Variants in GRID2 observed in about 807,000 individuals in gnomAD.
GRID2 encodes the protein glutamate receptor ionotropic, delta-2.
GRID2 carries 33 observed loss-of-function variants against 114.8 expected under a neutral mutation model. The ratio of observed to expected loss-of-function variants is 0.29; its 90% CI spans 0.22 to 0.38. GRID2 has a LOEUF of 0.38. GRID2 is among the 10% of genes least tolerant of loss of function. The pLI is 1.00. For synonymous variants in GRID2, 505 were observed against 449.9 expected (o/e 1.12, Z -1.55); for missense variants, 1,184 against 1,257.7 (o/e 0.94, Z 0.89).
At chr4:93,636,190 TA>T (rs1250976570) in intron 14 of GRID2, among the ~76,000 whole-genome samples, 1 of 152,124 alleles carries the variant, frequency 6.6e-6, no homozygotes, top group African/African-American at 2.4e-5. Flanking sequence ...TTCAGCTGGA[TA>T]ATAAGCCCAT....
intron 8 of GRID2, among the ~76,000 whole-genome samples, chr4:93,256,428 G>T (rs9784581): frequency 4.7e-5 from 1 of 21,308 alleles, no homozygotes. Flanking sequence ...TTAATTTTTG[G>T]TTTTTTTTTT....
rs948839267 is a variant in GRID2, at chr4:93,139,078, C to T, written c.735+28125C>T. ...GCTCCAATCAAAAACAGATTTCACA[C>T]TCAAATTACAGTATCTCAAGAAGAG... On this transcript the variant is annotated intron_variant, in intron 4 of 15. Coordinates refer to ENST00000282020, the MANE Select transcript of GRID2 (RefSeq NM_001510.4). Among the ~76,000 whole-genome samples, 8 of 152,190 alleles carry T rather than the reference C, an allele frequency of 5.3e-5. No homozygotes were observed. The East Asian group carries it at 1.3e-3, about 26-fold the overall frequency.
intron 8 of GRID2, among the ~76,000 whole-genome samples, chr4:93,370,289 T>G (rs1280434837): frequency 6.6e-6 from 1 of 152,054 alleles, no homozygotes; most frequent in Non-Finnish European, 1.5e-5. Context: ...CATGCAATGC[T>G]TCTTCTTAAA....
In GRID2 at chr4:93,081,322, T is replaced by C. The variant is rs144597949; in HGVS notation, c.245-3673T>C. 6.1e-3 allele frequency among the ~76,000 whole-genome samples: 926 copies of C among 152,318 alleles called. 14 individuals are homozygous for C. Among genetic ancestry groups the C allele is most frequent in the African/African-American group, 0.021 (872 of 41,556 alleles). ...AAGAGGTAATAAATTTTTTAACTCT[T>C]TATGCATTTTATTTTTAATCTTGTT... On this transcript the variant is annotated intron_variant, in intron 2 of 15. Transcript: ENST00000282020.
intron 12 of GRID2, among the ~76,000 whole-genome samples, chr4:93,509,099 C>T (rs1163699646): frequency 6.6e-6 from 1 of 152,178 alleles, no homozygotes; most frequent in Non-Finnish European, 1.5e-5. Context: ...CAGTGAAGTA[C>T]ATAGGCAGTA....
intron 10 of GRID2, among the ~76,000 whole-genome samples, chr4:93,445,223 C>T (rs1015355285): frequency 3.9e-5 from 6 of 151,926 alleles, no homozygotes; most frequent in Non-Finnish European, 8.8e-5. Context: ...AAGCTATGTA[C>T]TGAGGAGCAC....
intron 2 of GRID2, among the ~76,000 whole-genome samples, chr4:92,991,491 A>G (rs1754903170): frequency 6.6e-6 from 1 of 152,120 alleles, no homozygotes; most frequent in Non-Finnish European, 1.5e-5. Flanking sequence ...TCTCCGTGCA[A>G]ATAATTAATG....
At chr4:93,594,964 A>G (rs796611834) in intron 13 of GRID2, among the ~76,000 whole-genome samples, 50 of 152,268 alleles carry the variant, frequency 3.3e-4, no homozygotes, top group African/African-American at 9.4e-4. Context: ...GGCACTCCCT[A>G]GTGAGATGAA....
intron 1 of GRID2, among the ~76,000 whole-genome samples, chr4:92,312,037 G>A (rs149588318): frequency 2.0e-4 from 31 of 152,180 alleles, no homozygotes; most frequent in African/African-American, 7.5e-4. Flanking sequence ...AAGAAAGGAT[G>A]TGAACCATGT....
intron 2 of GRID2, among the ~76,000 whole-genome samples, chr4:92,968,683 AAC>A (rs1012987559): frequency 8.6e-5 from 13 of 151,796 alleles, no homozygotes; most frequent in African/African-American, 2.9e-4. Context: ...GTAATTTTAG[AAC>A]AGTTTTTCTT....
intron 8 of GRID2, among the ~76,000 whole-genome samples, chr4:93,352,480 C>A (rs1760901059): frequency 6.6e-6 from 1 of 151,768 alleles, no homozygotes; most frequent in Non-Finnish European, 1.5e-5. Flanking sequence ...TCATAACAAT[C>A]CAATCAGTGC....
chr4:92,990,174 G>T (rs1754778277), intron 2 of GRID2, among the ~76,000 whole-genome samples: 1 of 148,994 alleles, frequency 6.7e-6, no homozygotes, highest in Non-Finnish European at 1.5e-5. Context: ...GTCCAAAATA[G>T]AGTGGCATTC....
At chr4:92,819,244 G>A (rs902958579) in intron 2 of GRID2, among the ~76,000 whole-genome samples, 3 of 152,074 alleles carry the variant, frequency 2.0e-5, no homozygotes, top group Admixed American at 6.6e-5. Context: ...ACCCATGGGA[G>A]GTTTTAAAAC....
At chr4:92,991,149 C>T (rs758622706) in intron 2 of GRID2, among the ~76,000 whole-genome samples, 3 of 151,998 alleles carry the variant, frequency 2.0e-5, no homozygotes, top group Non-Finnish European at 1.5e-5. Context: ...TAAGCATTAA[C>T]CCAAGTCACA....
intron 8 of GRID2, among the ~76,000 whole-genome samples, chr4:93,332,267 CGTGTGTGTGTGT>C (rs1234388137): frequency 7.5e-6 from 1 of 133,936 alleles, no homozygotes; most frequent in Non-Finnish European, 1.6e-5. Context: ...TGTGTGTGTG[CGTGTGTGTGTGT>C]GTGTGTGTGT....
At chr4:93,042,030 G>A (rs1160927970) in intron 2 of GRID2, among the ~76,000 whole-genome samples, 1 of 151,882 alleles carries the variant, frequency 6.6e-6, no homozygotes, top group Non-Finnish European at 1.5e-5. Context: ...AGCCTCCTGA[G>A]TAGCTGGGAC....
chr4:92,339,932 A>G (rs1461745370), intron 1 of GRID2, among the ~76,000 whole-genome samples: 1 of 152,186 alleles, frequency 6.6e-6, no homozygotes, highest in Non-Finnish European at 1.5e-5. Flanking sequence ...CGTTTTTATT[A>G]GGCTCATGTT....
At chr4:92,747,567 G>T (rs984781310) in intron 2 of GRID2, among the ~76,000 whole-genome samples, 2 of 151,976 alleles carry the variant, frequency 1.3e-5, no homozygotes, top group African/African-American at 4.8e-5. Flanking sequence ...CTTATCCATA[G>T]CTATTGCCAT....
intron 2 of GRID2, among the ~76,000 whole-genome samples, chr4:92,613,214 A>G (rs1381095548): frequency 6.6e-6 from 1 of 151,298 alleles, no homozygotes; most frequent in Non-Finnish European, 1.5e-5. Context: ...TTGAGATGGT[A>G]TGTTGCATTA....
Sources: allele counts gnomAD v4.1 joint callset (sites outside exome capture counted in the v4.1 genomes callset), GRCh38; gene constraint gnomAD v4.1.1; transcripts MANE v1.5; gene names NCBI Gene and HGNC (gene_info 2026-07-23, HGNC 2026-07-21).